The following DNAH12 variants were observed in gnomAD, a reference collection of about 807,000 sequenced individuals.
The protein encoded by DNAH12 is axonemal beta dynein heavy chain 12.
A neutral mutation model predicts 371.5 loss-of-function variants in DNAH12; 285 were observed. That is an observed-to-expected ratio of 0.77 (90% confidence interval 0.70 to 0.85). The LOEUF (loss-of-function observed/expected upper bound fraction) is 0.85. Among genes scored for constraint, DNAH12 ranks in the 40% least tolerant of loss-of-function variants. The probability of loss-of-function intolerance (pLI) is 0.00; values close to 1 mark genes in which losing one functional copy is unlikely to be tolerated. For synonymous variants in DNAH12, 1,200 were observed against 1,213.0 expected (o/e 0.99, Z 0.22); for missense variants, 3,611 against 3,689.4 (o/e 0.98, Z 0.55).
rs576735500 is a variant in DNAH12 at position 57,504,419 on chromosome 3, AT to A, written c.898-216del. ...CACACACACACATATATATATACAT[AT>A]TTTTTTTTAAGACAGTGTCTCACTC... On this transcript the variant is annotated intron_variant, in intron 8 of 73. Coordinates refer to ENST00000495027, the MANE Select transcript of DNAH12 (RefSeq NM_001366028.2). Among the ~76,000 whole-genome samples the A allele has an allele frequency of 4.7e-4, 71 of 151,150 alleles. 1 individual carries two copies. In the East Asian group the frequency reaches 5.8e-3, roughly 12 times the overall value.
intron 23 of DNAH12, among the ~76,000 whole-genome samples, chr3:57,454,561 A>G (rs932173898): frequency 7.9e-5 from 12 of 152,150 alleles, no homozygotes; most frequent in Non-Finnish European, 1.2e-4. Context: ...CAAACAATAG[A>G]TAAGTTAACT....
chr3:57,411,892 C>G (rs138060902), intron 39 of DNAH12, among the ~76,000 whole-genome samples: 2 of 152,222 alleles, frequency 1.3e-5, no homozygotes, highest in African/African-American at 4.8e-5. Flanking sequence ...AAGAGAAAAA[C>G]AAAGTCAGAG....
At chr3:57,519,620 G>A (rs892013722) in intron 4 of DNAH12, 6 of 1,082,068 alleles carry the variant, frequency 5.5e-6, no homozygotes, top group Non-Finnish European at 8.6e-6. Context: ...TTGATAACAA[G>A]ATCCACCAAG....
chr3:57,438,040 G>A (rs554760606), intron 29 of DNAH12, among the ~76,000 whole-genome samples: 1 of 152,188 alleles, frequency 6.6e-6, no homozygotes, highest in African/African-American at 2.4e-5. Flanking sequence ...CAGGTGCGGT[G>A]GCTCATGCCT....
intron 65 of DNAH12, 53 bp from the exon 66 acceptor site, chr3:57,314,684 A>G: frequency 6.7e-7 from 1 of 1,483,298 alleles, no homozygotes; most frequent in Non-Finnish European, 9.0e-7. Context: ...AGATTCCATC[A>G]GTAAAATGAG....
At chr3:57,332,695 C>T (rs747873502) in intron 62 of DNAH12, among the ~76,000 whole-genome samples, 1 of 152,154 alleles carries the variant, frequency 6.6e-6, no homozygotes, top group Non-Finnish European at 1.5e-5. Flanking sequence ...GAAATCTGCT[C>T]ACAGTACCTC....
intron 65 of DNAH12, among the ~76,000 whole-genome samples, chr3:57,319,966 T>C (rs563506341): frequency 4.6e-5 from 7 of 152,280 alleles, no homozygotes; most frequent in African/African-American, 1.7e-4. Context: ...GATTTTTATC[T>C]TTCTTCTGTT....
At position 57,448,340 on chromosome 3, in the gene DNAH12, C is replaced by T. The variant is rs368435906; in HGVS notation, c.3787-1651G>A. ...TGTTACAGCTCTTAAGGCAGCACGTCTGGACTTGTTCATTCCTCCTGGTGG... is the reference window on the plus strand; with the variant it reads ...TGTTACAGCTCTTAAGGCAGCACGTTTGGACTTGTTCATTCCTCCTGGTGG... On this transcript the variant is annotated intron_variant, in intron 25 of 73. Coordinates refer to ENST00000495027, the MANE Select transcript of DNAH12 (RefSeq NM_001366028.2). 6.3e-4 allele frequency among the ~76,000 whole-genome samples: 95 copies of T among 151,972 alleles called. 1 individual carries two copies. Among genetic ancestry groups the T allele is most frequent in the African/African-American group, 2.2e-3 (92 of 41,462 alleles).
At position 57,403,291 on chromosome 3, in the gene DNAH12, G is replaced by A. The variant is rs556208910; in HGVS notation, c.6948+18C>T. ...ATACTGTTTTCATTTTAGATACTAG[G>A]CTTCTTCATAATTTTACCTTCATAT... is the stretch of plus-strand genomic sequence containing the variant. On this transcript the variant is annotated intron_variant, in intron 43 of 73. Transcript: ENST00000495027. 2.0e-6 allele frequency: 3 copies of A among 1,531,166 alleles called. No individual in the cohort carries two copies. The highest frequency in any genetic ancestry group is 2.5e-5 in the South Asian group (2 of 80,310). The allele number at this position is 1,531,166 out of a possible 1,614,324, so 94.8% of individuals were successfully genotyped here.
At chr3:57,551,215 C>G in the DNAH12 span, among the ~76,000 whole-genome samples, 1 of 151,520 alleles carries the variant, frequency 6.6e-6, no homozygotes, top group Non-Finnish European at 1.5e-5. Context: ...CTTAACTTTT[C>G]CTCACTAAAA....
chr3:57,439,254 T>C (rs113485695), intron 29 of DNAH12, among the ~76,000 whole-genome samples: 21,611 of 152,030 alleles, frequency 0.14, 1,588 homozygotes, highest in South Asian at 0.21. Flanking sequence ...GCCAAAGCAA[T>C]CCTAAGCAAA....
intron 60 of DNAH12, among the ~76,000 whole-genome samples, chr3:57,336,097 T>C (rs544817440): frequency 6.6e-6 from 1 of 152,240 alleles, no homozygotes; most frequent in African/African-American, 2.4e-5. Context: ...TCCTCCTGAC[T>C]TAGCCTTCTG....
chr3:57,419,738 A>AT (rs1336686292), intron 36 of DNAH12, among the ~76,000 whole-genome samples: 1 of 152,108 alleles, frequency 6.6e-6, no homozygotes, highest in African/African-American at 2.4e-5. Flanking sequence ...TAAAAAATAT[A>AT]TTTTTTCAAT....
At chr3:57,359,349 C>T (rs1396051100) in intron 58 of DNAH12, among the ~76,000 whole-genome samples, 2 of 151,382 alleles carry the variant, frequency 1.3e-5, no homozygotes, top group Non-Finnish European at 2.9e-5. Flanking sequence ...CATCTGAGGT[C>T]CGGAGTTCGA....
intron 7 of DNAH12, 32 bp downstream of exon 7, chr3:57,508,350 A>G (rs1246818201): frequency 1.3e-6 from 2 of 1,559,540 alleles, no homozygotes; most frequent in Non-Finnish European, 1.7e-6. Context: ...AAGCAAGGAG[A>G]CATTCAAATT....
chr3:57,470,746 T>C, intron 15 of DNAH12, 110 bp from the exon 16 acceptor site: 1 of 1,013,208 alleles, frequency 9.9e-7, no homozygotes, highest in Non-Finnish European at 1.4e-6. Context: ...ACAAGTTTAT[T>C]TTTAGGCTGG....
Position 57,459,663 on chromosome 3 carries a change from C to A in DNAH12, c.2860G>T (p.Glu954Ter), listed in dbSNP as rs746115630. Residue 954 changes from glutamate to a stop codon, truncating the protein, a stop_gained, in exon 20 of 74, where the codon GAA becomes TAA. Transcript: ENST00000495027. LOFTEE classifies it high-confidence loss of function. ...SEDIMQQMPE[E>*]GRQFQTVDRH... ...TCTACTGTCTGAAATTGACGCCCTT[C>A]TTCTGGCATCTGTTGCATGATATCC... 8.4e-6 allele frequency: 13 copies of A among 1,549,298 alleles called. No individual in the cohort carries two copies. In the Admixed American group the frequency reaches 1.2e-4, roughly 14 times the overall value.
chr3:57,454,840 C>T lies in DNAH12; in HGVS notation c.3391G>A (p.Val1131Ile). 1 of 1,551,300 alleles carries T rather than the reference C, an allele frequency of 6.4e-7. No homozygotes were observed. The highest frequency in any genetic ancestry group is 8.7e-7 in the Non-Finnish European group (1 of 1,146,760). ...CAGAACATTTGAGAAATACAAAGTACAACTTGGCCAGGCCACTCTCGAACC... is the reference window on the plus strand; with the variant it reads ...CAGAACATTTGAGAAATACAAAGTATAACTTGGCCAGGCCACTCTCGAACC... ...DWVREWPGQV[V>I]LCISQMFWTS... Residue 1131 changes from valine to isoleucine, a missense_variant, in exon 23 of 74, where the codon GTA (valine) becomes ATA (isoleucine). Transcript: ENST00000495027.
chr3:57,420,096 T>C (rs989718495), intron 36 of DNAH12, among the ~76,000 whole-genome samples: 2 of 152,240 alleles, frequency 1.3e-5, no homozygotes, highest in Non-Finnish European at 2.9e-5. Flanking sequence ...TATATCAGCA[T>C]AGCTGTATTA....
Sources: gnomAD v4.1 joint callset for allele counts (sites outside exome capture counted in the v4.1 genomes callset) on GRCh38, gnomAD v4.1.1 for gene constraint, MANE v1.5 for transcripts, NCBI Gene and HGNC (gene_info 2026-07-23, HGNC 2026-07-21) for gene names.